Variants in COPG1 observed in about 807,000 individuals in gnomAD.
COPG1 encodes the protein coatomer subunit gamma-1.
COPG1 carries 29 observed loss-of-function variants against 102.8 expected under a neutral mutation model. That is an observed-to-expected ratio of 0.28 (90% CI 0.21 to 0.38). The LOEUF (loss-of-function observed/expected upper bound fraction) is 0.38, where lower values mean the gene tolerates loss of function less well. Among genes scored for constraint, COPG1 ranks in the 10% least tolerant of loss-of-function variants. The probability of loss-of-function intolerance (pLI) is 1.00; values close to 1 mark genes in which losing one functional copy is unlikely to be tolerated. For synonymous variants in COPG1, 406 were observed against 421.6 expected (o/e 0.96, Z 0.45); for missense variants, 875 against 1,132.7 (o/e 0.77, Z 3.27).
chr3:129,275,397 C>G lies in COPG1; in HGVS notation c.2494+105C>G. ...TGTAAATATGGGGAGTCAAAATTCA[C>G]AGCATTTAAAATTCACAAAGTATAA... On this transcript the variant is annotated intron_variant, in intron 23 of 23. Coordinates refer to ENST00000314797, the MANE Select transcript of COPG1 (RefSeq NM_016128.4). The surrounding 1 kb of genome is among the most constrained non-coding windows in gnomAD (Gnocchi z 5.0). 1 of 785,360 alleles carries G rather than the reference C, an allele frequency of 1.3e-6. No individual in the cohort carries two copies. The highest frequency in any genetic ancestry group is 2.6e-5 in the East Asian group (1 of 38,866). The allele number at this position is 785,360 out of a possible 1,614,324, so 48.6% of individuals were successfully genotyped here.
At position 129,257,815 on chromosome 3, in the gene COPG1, A is replaced by C. The variant is rs1939845194; in HGVS notation, c.826A>C (p.Asn276His). ...GTATGAAGCCGCCTCGGCCATCGTC[A>C]ATCTGCCAGGCTGCAGTGCCAAAGA... is the stretch of plus-strand genomic sequence containing the variant. Reference protein sequence around the residue: ...VVYEAASAIVNLPGCSAKELA... With the variant: ...VVYEAASAIVHLPGCSAKELA... The change falls in exon 10 of 24, where the codon AAT (asparagine) becomes CAT (histidine). Residue 276 changes from asparagine to histidine, a missense_variant. Coordinates refer to ENST00000314797, the MANE Select transcript of COPG1 (RefSeq NM_016128.4). The C allele has an allele frequency of 1.9e-6, 3 of 1,613,934 alleles. No homozygotes were observed. Among genetic ancestry groups the C allele is most frequent in the Middle Eastern group, 1.7e-4 (1 of 5,968 alleles).
intron 19 of COPG1, 152 bp downstream of exon 19, chr3:129,272,061 A>C: frequency 1.9e-6 from 2 of 1,038,126 alleles, no homozygotes; most frequent in Non-Finnish European, 2.8e-6. Context: ...GGTCTCTCAT[A>C]TCTCTTGACT....
chr3:129,267,206 C>A, intron 15 of COPG1, 107 bp downstream of exon 15: 2 of 771,600 alleles, frequency 2.6e-6, no homozygotes, highest in Non-Finnish European at 2.1e-6. Context: ...AAAAGTTATA[C>A]AGCTACTGAT....
chr3:129,253,328 A>T (rs1939738327), intron 5 of COPG1, among the ~76,000 whole-genome samples: 1 of 152,232 alleles, frequency 6.6e-6, no homozygotes, highest in Non-Finnish European at 1.5e-5. Context: ...TCAGGGACAG[A>T]TGTGACTAAA....
intron 12 of COPG1, 80 bp downstream of exon 12, chr3:129,260,887 C>T: frequency 7.0e-7 from 1 of 1,429,822 alleles, no homozygotes; most frequent in South Asian, 1.2e-5. Context: ...AGCCTTCCTG[C>T]CAGGACTGAC....
intron 14 of COPG1, 33 bp downstream of exon 14, chr3:129,265,825 TAGC>T: frequency 6.2e-7 from 1 of 1,603,616 alleles, no homozygotes; most frequent in East Asian, 2.2e-5. Context: ...CTTGGAAACT[TAGC>T]TTACCCTTGA....
Position 129,268,961 on chromosome 3 carries a change from C to T in COPG1, c.1804C>T (p.Pro602Ser). 1.2e-6 allele frequency: 2 copies of T among 1,614,128 alleles called. No homozygotes were observed. Residue 602 changes from proline to serine, a missense_variant, in exon 18 of 24, where the codon CCT (proline) becomes TCT (serine). Transcript: ENST00000314797. The stretch of plus-strand genomic sequence containing the variant: ...TACCCCCATCACAGCAGTCAAACAG[C>T]CTGAGAAAGTGGCAGCTACCAGGCA... ...ESTPITAVKQ[P>S]EKVAATRQEI...
intron 6 of COPG1, 102 bp downstream of exon 6, chr3:129,254,845 T>C: frequency 8.1e-7 from 1 of 1,241,544 alleles, no homozygotes; most frequent in Non-Finnish European, 1.2e-6. Context: ...AGCCAGGTGA[T>C]GTGGGGTGGA....
At position 129,274,959 on chromosome 3, in the gene COPG1, C is replaced by T. The variant is rs555082309; in HGVS notation, c.2378C>T (p.Thr793Ile). The T allele has an allele frequency of 6.2e-7, 1 of 1,614,118 alleles. No individual in the cohort carries two copies. The highest frequency in any genetic ancestry group is 1.3e-5 in the African/African-American group (1 of 75,034). Reference protein sequence around the residue: ...FEKEETFTLSTIKTLEEAVGN... With the variant: ...FEKEETFTLSIIKTLEEAVGN... ...AAGGAGGAAACGTTCACCTTGTCTA[C>T]CATCAAGACACTTGAAGGTAAAATC... The change falls in exon 22 of 24, where the codon ACC (threonine) becomes ATC (isoleucine). Residue 793 changes from threonine to isoleucine, a missense_variant. By Grantham distance (89) the Thr-to-Ile change is moderately conservative. Coordinates refer to ENST00000314797, the MANE Select transcript of COPG1 (RefSeq NM_016128.4).
chr3:129,254,467 AG>A (rs1939765383), intron 5 of COPG1, 200 bp from the exon 6 acceptor site: 1 of 525,010 alleles, frequency 1.9e-6, no homozygotes, highest in Non-Finnish European at 3.4e-6. Flanking sequence ...TAGCAAAAGC[AG>A]GGGGATGACC....
At chr3:129,270,946 A>C (rs1039167136) in intron 18 of COPG1, among the ~76,000 whole-genome samples, 1 of 146,964 alleles carries the variant, frequency 6.8e-6, no homozygotes, top group Non-Finnish European at 1.5e-5. Context: ...ATTCTGATGT[A>C]GTAGATTTGG....
At chr3:129,263,204 G>C (rs1939975922) in intron 12 of COPG1, among the ~76,000 whole-genome samples, 1 of 152,088 alleles carries the variant, frequency 6.6e-6, no homozygotes, top group African/African-American at 2.4e-5. Context: ...TTGAGGGGTG[G>C]ATGTCAACAG....
intron 13 of COPG1, among the ~76,000 whole-genome samples, chr3:129,265,160 C>T (rs563690553): frequency 2.0e-5 from 3 of 151,546 alleles, no homozygotes; most frequent in East Asian, 1.9e-4. Flanking sequence ...GGTGTGATCA[C>T]GGCTCACTGC....
intron 8 of COPG1, 106 bp from the exon 9 acceptor site, chr3:129,257,364 G>A: frequency 8.4e-7 from 1 of 1,184,558 alleles, no homozygotes; most frequent in East Asian, 2.3e-5. Flanking sequence ...AGCTGCTACT[G>A]TGCCCATCTT....
chr3:129,249,640 T>A lies in COPG1; in HGVS notation c.-70T>A. 6.5e-7 allele frequency: 1 copy of A among 1,529,798 alleles called. No individual in the cohort carries two copies. Among genetic ancestry groups the A allele is most frequent in the Non-Finnish European group, 8.9e-7 (1 of 1,129,366 alleles). The allele number at this position is 1,529,798 out of a possible 1,614,324, so 94.8% of individuals were successfully genotyped here. On this transcript the variant is annotated 5_prime_UTR_variant, in exon 1 of 24. Transcript: ENST00000314797. The stretch of plus-strand genomic sequence containing the variant: ...CCGGAAGTGGTCCCTGTAGAACCAC[T>A]GTGGCACCGCTACTCCGTGCCGCGC...
At chr3:129,270,112 C>T (rs1940156522) in intron 18 of COPG1, among the ~76,000 whole-genome samples, 1 of 149,920 alleles carries the variant, frequency 6.7e-6, no homozygotes, top group Non-Finnish European at 1.5e-5. Flanking sequence ...ACACTGGCCC[C>T]CCCTGGATAA....
intron 21 of COPG1, chr3:129,274,195 AAAAG>A (rs774840601): frequency 1.4e-4 from 61 of 436,890 alleles, no homozygotes; most frequent in South Asian, 3.7e-4. Flanking sequence ...AGAAAAAAAA[AAAAG>A]AGAGAGAGAG....
Position 129,260,328 on chromosome 3 carries a change from C to G in COPG1, c.872-5C>G. On this transcript the variant is annotated splice_polypyrimidine_tract_variant and splice_region_variant and intron_variant, in intron 10 of 23. Transcript: ENST00000314797. ...ACCTGACATGTGGCATCCATCTCCC[C>G]ACAGTGCTCCAGCTTTTCTGCAGCT... 1 of 1,614,020 alleles carries G rather than the reference C, an allele frequency of 6.2e-7. No individual in the cohort carries two copies. Among genetic ancestry groups the G allele is most frequent in the South Asian group, 1.1e-5 (1 of 91,070 alleles).
At chr3:129,256,209 C>T in intron 8 of COPG1, 55 bp downstream of exon 8, 1 of 1,502,234 alleles carries the variant, frequency 6.7e-7, no homozygotes, top group South Asian at 1.1e-5. Flanking sequence ...TGGTAAGGCA[C>T]TGGCCAGTTG....
Sources: allele counts gnomAD v4.1 joint callset (sites outside exome capture counted in the v4.1 genomes callset), GRCh38; gene constraint gnomAD v4.1.1; non-coding constraint Gnocchi (gnomAD v3.1); transcripts MANE v1.5; gene names NCBI Gene and HGNC (gene_info 2026-07-23, HGNC 2026-07-21).